TRAPPC9: variants seen among roughly 807,000 people sequenced by gnomAD.
TRAPPC9 encodes IKK2 binding protein.
In TRAPPC9, 83 loss-of-function variants were observed where a neutral mutation model predicts 124.0. The ratio of observed to expected loss-of-function variants is 0.67; its 90% CI spans 0.56 to 0.80. The LOEUF (loss-of-function observed/expected upper bound fraction) is 0.80, where lower values mean the gene tolerates loss of function less well. Among genes scored for constraint, TRAPPC9 ranks in the 30% least tolerant of loss-of-function variants. The pLI is 0.00. For missense variants in TRAPPC9, 1,302 were observed against 1,508.3 expected (o/e 0.86, Z 2.27); for synonymous variants, 638 against 617.5 (o/e 1.03, Z -0.49).
chr8:139,927,198 T>C (rs930822098), intron 19 of TRAPPC9, among the ~76,000 whole-genome samples: 1 of 152,108 alleles, frequency 6.6e-6, no homozygotes, highest in African/African-American at 2.4e-5. Flanking sequence ...GAACGAGAAC[T>C]CTCACACACT....
intron 10 of TRAPPC9, among the ~76,000 whole-genome samples, chr8:140,310,094 A>C (rs2066254872): frequency 1.3e-5 from 2 of 152,238 alleles, no homozygotes; most frequent in East Asian, 1.9e-4. Flanking sequence ...ACTTGCCTTC[A>C]AAGAATGCAG....
chr8:140,229,251 CTTTTTTTTTT>C lies in TRAPPC9; in HGVS notation c.2432-7678_2432-7669del, dbSNP rs528175891. ...AGTCAATTCCGTATGTTTTCTTTTTCTTTTTTTTTTTTTTTTTTTTTTTTTTTTTTTGAGA... is the reference window on the plus strand; with the variant it reads ...AGTCAATTCCGTATGTTTTCTTTTTCTTTTTTTTTTTTTTTTTTTTTGAGA... On this transcript the variant is annotated intron_variant, in intron 16 of 22. Coordinates refer to ENST00000438773, the MANE Select transcript of TRAPPC9 (RefSeq NM_001160372.4). Among the ~76,000 whole-genome samples, 17 of 99,816 alleles carry C rather than the reference CTTTTTTTTTT, an allele frequency of 1.7e-4. 2 individuals carry two copies. The highest frequency in any genetic ancestry group is 1.6e-3 in the South Asian group (5 of 3,136). The allele number at this position is 99,816 out of a possible 152,430, so 65.5% of individuals were successfully genotyped here.
intron 19 of TRAPPC9, among the ~76,000 whole-genome samples, chr8:139,923,119 G>A (rs914718079): frequency 4.7e-5 from 5 of 106,858 alleles, no homozygotes; most frequent in African/African-American, 1.6e-4. Context: ...ATCCGTTCCG[G>A]AGGTGAATGA....
At chr8:140,358,955 G>A (rs1429136813) in intron 9 of TRAPPC9, among the ~76,000 whole-genome samples, 1 of 152,172 alleles carries the variant, frequency 6.6e-6, no homozygotes, top group Admixed American at 6.5e-5. Flanking sequence ...TCTCTCCGAC[G>A]GCTTCCCAGC....
intron 17 of TRAPPC9, among the ~76,000 whole-genome samples, chr8:140,150,593 A>T (rs1273627591): frequency 1.3e-5 from 2 of 152,230 alleles, no homozygotes; most frequent in African/African-American, 4.8e-5. Context: ...AGGGGCACTG[A>T]TAGTAGCAGG....
intron 19 of TRAPPC9, among the ~76,000 whole-genome samples, chr8:139,971,891 G>A (rs530916152): frequency 7.0e-4 from 106 of 151,660 alleles, no homozygotes; most frequent in African/African-American, 2.2e-3. Context: ...GTGCAGTGAT[G>A]GCTCACTGCG....
intron 17 of TRAPPC9, among the ~76,000 whole-genome samples, chr8:140,094,243 C>T (rs1037862693): frequency 9.2e-5 from 14 of 152,208 alleles, no homozygotes; most frequent in Non-Finnish European, 1.8e-4. Flanking sequence ...CAGCTGCCTG[C>T]AGGGAGGTGC....
intron 11 of TRAPPC9, among the ~76,000 whole-genome samples, chr8:140,294,716 T>A (rs2065757586): frequency 6.6e-6 from 1 of 151,904 alleles, no homozygotes; most frequent in Admixed American, 6.6e-5. Flanking sequence ...CAAACGAGTC[T>A]CCTGCCTCAG....
chr8:140,308,918 C>T lies in TRAPPC9; in HGVS notation c.1622+2330G>A, dbSNP rs141413862. Among the ~76,000 whole-genome samples, 883 of 152,006 alleles carry T rather than the reference C, an allele frequency of 5.8e-3. 6 individuals carry two copies. Among genetic ancestry groups the T allele is most frequent in the Non-Finnish European group, 0.01 (711 of 67,960 alleles). ...GAAAGAAAGAAACAGTCCATGACCA[C>T]ACTGGGCAAGAACAATGGCACCAGG... is the stretch of plus-strand genomic sequence containing the variant. On this transcript the variant is annotated intron_variant, in intron 10 of 22. Coordinates refer to ENST00000438773, the MANE Select transcript of TRAPPC9 (RefSeq NM_001160372.4).
In TRAPPC9 at chr8:140,093,081, G is replaced by A. The variant is rs143365635; in HGVS notation, c.2557-69002C>T. ...CCCCCTGCTCATCTTCCTCTTGTCAGCCTACACATAAACCATCCCCAAACA... is the reference window on the plus strand; with the variant it reads ...CCCCCTGCTCATCTTCCTCTTGTCAACCTACACATAAACCATCCCCAAACA... On this transcript the variant is annotated intron_variant, in intron 17 of 22. Transcript: ENST00000438773. Among the ~76,000 whole-genome samples the A allele has an allele frequency of 2.0e-3, 295 of 150,952 alleles. 2 individuals carry two copies. Among genetic ancestry groups the A allele is most frequent in the South Asian group, 9.4e-3 (45 of 4,774 alleles).
Position 140,182,104 on chromosome 8 carries a change from G to A in TRAPPC9, c.2556+39355C>T, listed in dbSNP as rs984069019. Among the ~76,000 whole-genome samples, 10 of 152,098 alleles carry A rather than the reference G, an allele frequency of 6.6e-5. No homozygotes were observed. Among genetic ancestry groups the A allele is most frequent in the Non-Finnish European group, 1.3e-4 (9 of 68,016 alleles). On this transcript the variant is annotated intron_variant, in intron 17 of 22. Transcript: ENST00000438773. The surrounding 1 kb of genome is among the most constrained non-coding windows in gnomAD (Gnocchi z 4.0). ...TCAGCATACAAGCCTAGTGCTGGTT[G>A]GCAAAGTTTATCACAAGGAGGCACT...
At position 140,050,896 on chromosome 8, in the gene TRAPPC9, T is replaced by C. The variant is rs528835724; in HGVS notation, c.2557-26817A>G. Among the ~76,000 whole-genome samples, 14 of 152,356 alleles carry C rather than the reference T, an allele frequency of 9.2e-5. No individual in the cohort carries two copies. The East Asian group carries it at 2.1e-3, about 23-fold the overall frequency. ...GGAAGGGCACCTGCACGTGGCCTTC[T>C]TTCTCAGCTGGGCATCTTGGCACTC... On this transcript the variant is annotated intron_variant, in intron 17 of 22. Coordinates refer to ENST00000438773, the MANE Select transcript of TRAPPC9 (RefSeq NM_001160372.4).
At chr8:140,227,049 T>C (rs2063471828) in intron 16 of TRAPPC9, among the ~76,000 whole-genome samples, 3 of 152,018 alleles carry the variant, frequency 2.0e-5, no homozygotes, top group Admixed American at 6.6e-5. Flanking sequence ...ACAAGAAGCA[T>C]ATAAATTACA....
At position 140,081,346 on chromosome 8, in the gene TRAPPC9, C is replaced by CATTTTTTTT. The variant is rs35254769; in HGVS notation, c.2557-57268_2557-57267insAAAAAAAAT. 5.0e-5 allele frequency among the ~76,000 whole-genome samples: 7 copies of CATTTTTTTT among 141,050 alleles called. 2 individuals carry two copies. Among genetic ancestry groups the CATTTTTTTT allele is most frequent in the Non-Finnish European group, 9.1e-5 (6 of 66,052 alleles). 92.5% of individuals were successfully genotyped at this position (141,050 alleles called of 152,430 possible). A position where few individuals can be genotyped will look rare whatever the true frequency, so the allele number is the denominator to read the frequency against. On this transcript the variant is annotated intron_variant, in intron 17 of 22. Transcript: ENST00000438773. ...GTCAAGGTGAAGAATAAAATGAATG[C>CATTTTTTTT]TTTTTTTTTTTTTTTTTGAGACAGA...
chr8:140,101,532 C>CTTTTTT lies in TRAPPC9; in HGVS notation c.2557-77459_2557-77454dup, dbSNP rs1234280796. ...ACTTGGGTTGGTTTTGTAGGGTTTT[C>CTTTTTT]TTTTTTTTGTTTTTTTTTTTTTTTT... On this transcript the variant is annotated intron_variant, in intron 17 of 22. Coordinates refer to ENST00000438773, the MANE Select transcript of TRAPPC9 (RefSeq NM_001160372.4). Among the ~76,000 whole-genome samples, 262 of 78,698 alleles carry CTTTTTT rather than the reference C, an allele frequency of 3.3e-3. 35 individuals are homozygous for CTTTTTT. Among genetic ancestry groups the CTTTTTT allele is most frequent in the African/African-American group, 6.4e-3 (100 of 15,560 alleles). The allele number at this position is 78,698 out of a possible 152,430, so 51.6% of individuals were successfully genotyped here.
At chr8:139,796,193 G>A (rs1010617485) in intron 21 of TRAPPC9, among the ~76,000 whole-genome samples, 43 of 152,054 alleles carry the variant, frequency 2.8e-4, no homozygotes, top group Admixed American at 1.3e-3. Context: ...AGGAGGAGGA[G>A]GTGATTTTGC....
At chr8:139,882,308 A>T (rs1829722595) in intron 21 of TRAPPC9, among the ~76,000 whole-genome samples, 1 of 152,110 alleles carries the variant, frequency 6.6e-6, no homozygotes, top group Non-Finnish European at 1.5e-5. Context: ...AGATGGGGAA[A>T]TGGAGGCTCA....
intron 17 of TRAPPC9, among the ~76,000 whole-genome samples, chr8:140,105,428 C>T (rs937830527): frequency 2.0e-5 from 3 of 152,158 alleles, no homozygotes; most frequent in Non-Finnish European, 4.4e-5. Flanking sequence ...CAGTACAGTG[C>T]CTTTCTTCCT....
In TRAPPC9 at chr8:140,275,557, A is replaced by G. The variant is rs1026937597; in HGVS notation, c.2278+101T>C. Reference sequence around the variant, plus strand: ...TCTACTGACTTCAACTGAATCCACAAAGAAGTTTTTAGATTCTCTGAAAAC... The same window carrying G: ...TCTACTGACTTCAACTGAATCCACAGAGAAGTTTTTAGATTCTCTGAAAAC... On this transcript the variant is annotated intron_variant, in intron 15 of 22. Transcript: ENST00000438773. 1.1e-4 allele frequency: 153 copies of G among 1,353,686 alleles called. 1 individual carries two copies. The Admixed American group carries it at 2.5e-3, about 22-fold the overall frequency. The allele number at this position is 1,353,686 out of a possible 1,614,324, so 83.9% of individuals were successfully genotyped here. A position where few individuals can be genotyped will look rare whatever the true frequency, so the allele number is the denominator to read the frequency against.
Sources: allele counts gnomAD v4.1 joint callset (sites outside exome capture counted in the v4.1 genomes callset), GRCh38; gene constraint gnomAD v4.1.1; non-coding constraint Gnocchi (gnomAD v3.1); transcripts MANE v1.5; gene names NCBI Gene and HGNC (gene_info 2026-07-23, HGNC 2026-07-21).